AEN: variants seen among roughly 807,000 people sequenced by gnomAD.
The protein encoded by AEN is apoptosis enhancing nuclease.
In AEN, 21 loss-of-function variants were observed where a neutral mutation model predicts 17.7. The observed-to-expected ratio is 1.19, with a 90% confidence interval of 0.84 to 1.71. The LOEUF is 1.71. AEN is among the 40% of genes most tolerant of loss of function. The probability of loss-of-function intolerance (pLI) is 0.00; values close to 1 mark genes in which losing one functional copy is unlikely to be tolerated. For missense variants in AEN, 462 were observed against 435.9 expected, an observed-to-expected ratio of 1.06 and a Z score of -0.53; for synonymous variants, 190 against 173.0, an observed-to-expected ratio of 1.10 and a Z score of -0.77.
At chr15:88,617,533 G>A (rs761796578), upstream of AEN, among the ~76,000 whole-genome samples, 2 of 152,174 alleles carry the variant, frequency 1.3e-5, no homozygotes, top group Non-Finnish European at 1.5e-5. Context: ...AATTACAGGC[G>A]TGAGCCACAG....
Position 88,626,278 on chromosome 15 carries a change from G to A in AEN, c.69G>A (p.Lys23=), listed in dbSNP as rs770518594. ...LCPSLTIPNA[K]DVLRKRHKRR... Reference sequence around the variant, plus strand: ...CTTCCCTCACCATCCCAAATGCCAAGGATGTGCTTCGGAAGAGGCACAAGA... The same window carrying A: ...CTTCCCTCACCATCCCAAATGCCAAAGATGTGCTTCGGAAGAGGCACAAGA... The change falls in exon 2 of 4, where the codon AAG becomes AAA. Residue 23 remains lysine, a synonymous_variant. Transcript: ENST00000332810. 4 of 1,613,608 alleles carry A rather than the reference G, an allele frequency of 2.5e-6. No individual in the cohort carries two copies. The highest frequency in any genetic ancestry group is 3.4e-6 in the Non-Finnish European group (4 of 1,179,952).
intron 2 of AEN, chr15:88,628,221 G>C (rs960946070): frequency 2.6e-5 from 4 of 152,312 alleles, no homozygotes; most frequent in Non-Finnish European, 2.9e-5. Context: ...GGCTGACTTG[G>C]GGGGAGGGGC....
upstream of AEN, among the ~76,000 whole-genome samples, chr15:88,619,388 A>C (rs539510917): frequency 1.3e-5 from 2 of 152,054 alleles, no homozygotes; most frequent in East Asian, 3.9e-4. Flanking sequence ...CTGGATATTG[A>C]CTCTCTTAAA....
At chr15:88,611,529 G>T in the AEN span, among the ~76,000 whole-genome samples, 1 of 151,318 alleles carries the variant, frequency 6.6e-6, no homozygotes, top group East Asian at 1.9e-4. Context: ...CTGGAAGGTT[G>T]AAGCTGGAGT....
At position 88,630,061 on chromosome 15, in the gene AEN, G is replaced by T. The variant is rs372899718; in HGVS notation, c.745G>T (p.Gly249Cys). The T allele has an allele frequency of 5.0e-6, 8 of 1,613,998 alleles. No homozygotes were observed. Among genetic ancestry groups the T allele is most frequent in the Non-Finnish European group, 6.8e-6 (8 of 1,180,010 alleles). Reference protein sequence around the residue: ...LQLLHKKIQVGQHGHSSVEDA... With the variant: ...LQLLHKKIQVCQHGHSSVEDA... ...ATGTGTTGGCTCTCGTCAGTAGGTG[G>T]GCCAGCACGGGCACTCATCAGTAGA... The change falls in exon 4 of 4, where the codon GGC becomes TGC. Residue 249 changes from glycine (G) to cysteine (C), a missense_variant. Physicochemically the swap from Gly to Cys is radical, Grantham distance 159 (BLOSUM62 -3). Transcript: ENST00000332810. The surrounding 1 kb of genome is among the most constrained non-coding windows in gnomAD (Gnocchi z 5.1).
upstream of AEN, among the ~76,000 whole-genome samples, chr15:88,620,954 AG>A (rs1358041929): frequency 6.6e-6 from 1 of 151,912 alleles, no homozygotes; most frequent in African/African-American, 2.4e-5. Flanking sequence ...ACACCCGAGG[AG>A]GTAAGGGCCG....
intron 1 of AEN, 36 bp from the exon 2 acceptor site, chr15:88,626,104 ACACTCT>A (rs2141371459): frequency 7.5e-7 from 1 of 1,326,978 alleles, no homozygotes; most frequent in East Asian, 2.5e-5. Flanking sequence ...GCTGCCTGGC[ACACTCT>A]CACCCAGCCC....
Position 88,631,838 on chromosome 15 carries a change from G to A in AEN, c.*1544G>A, listed in dbSNP as rs144859537. The A allele has an allele frequency of 1.3e-5, 2 of 152,536 alleles. No individual in the cohort carries two copies. Among genetic ancestry groups the A allele is most frequent in the Non-Finnish European group, 2.9e-5 (2 of 68,208 alleles). 9.4% of individuals were successfully genotyped at this position (152,536 alleles called of 1,614,324 possible). Reference sequence around the variant, plus strand: ...AGCAGCAAGGTTCACGGATATCCGTGTGTCTTGTCTGTGGCCACCAGGCAC... The same window carrying A: ...AGCAGCAAGGTTCACGGATATCCGTATGTCTTGTCTGTGGCCACCAGGCAC... On this transcript the variant is annotated 3_prime_UTR_variant, in exon 4 of 4. Transcript: ENST00000332810.
the AEN span, among the ~76,000 whole-genome samples, chr15:88,614,659 T>C: frequency 1.3e-5 from 2 of 152,070 alleles, no homozygotes; most frequent in African/African-American, 4.8e-5. Context: ...AGCTGTCAGG[T>C]TTCCCGGCTC....
upstream of AEN, among the ~76,000 whole-genome samples, chr15:88,616,783 G>A (rs1040963115): frequency 3.9e-5 from 6 of 152,106 alleles, no homozygotes; most frequent in African/African-American, 1.2e-4. Flanking sequence ...CAGTACAGTC[G>A]TGAATAAATT....
At position 88,626,609 on chromosome 15, in the gene AEN, A is replaced by C. The variant is rs775351878; in HGVS notation, c.400A>C (p.Ile134Leu). 6.2e-7 allele frequency: 1 copy of C among 1,614,094 alleles called. No individual in the cohort carries two copies. Among genetic ancestry groups the C allele is most frequent in the Non-Finnish European group, 8.5e-7 (1 of 1,180,018 alleles). ...GGTAAGCGAGCTGGCCCGCTGTTCCATTGTGAGCTACCATGGCAATGTCCT... is the reference window on the plus strand; with the variant it reads ...GGTAAGCGAGCTGGCCCGCTGTTCCCTTGTGAGCTACCATGGCAATGTCCT... ...GRVSELARCS[I>L]VSYHGNVLYD... The change falls in exon 2 of 4, where the codon ATT becomes CTT. Residue 134 changes from isoleucine to leucine, a missense_variant. By Grantham distance (5) the Ile-to-Leu change is conservative (BLOSUM62 2). Coordinates refer to ENST00000332810, the MANE Select transcript of AEN (RefSeq NM_022767.4).
the AEN span, among the ~76,000 whole-genome samples, chr15:88,615,347 G>C: frequency 6.6e-6 from 1 of 152,098 alleles, no homozygotes; most frequent in African/African-American, 2.4e-5. Context: ...CACTTAGCCT[G>C]GGCCTGAGAA....
chr15:88,608,327 G>C, the AEN span: 2 of 284,416 alleles, frequency 7.0e-6, no homozygotes, highest in African/African-American at 2.2e-5. Context: ...GACTTGCAAG[G>C]ATGACATTTT....
the AEN span, chr15:88,611,996 G>A: frequency 2.3e-6 from 1 of 429,234 alleles, no homozygotes; most frequent in East Asian, 8.6e-5. Context: ...GTTCTTTTTT[G>A]TATCTTTTGT....
chr15:88,611,926 G>A, the AEN span: 2 of 501,204 alleles, frequency 4.0e-6, no homozygotes, highest in East Asian at 6.4e-5. Flanking sequence ...AATGGTGCCA[G>A]CCATCGCAGC....
chr15:88,629,123 C>A (rs985637120), intron 2 of AEN, 103 bp from the exon 3 acceptor site: 4 of 1,180,548 alleles, frequency 3.4e-6, no homozygotes, highest in African/African-American at 3.0e-5. Context: ...TGCCTCCCCC[C>A]ACAGGGATCC....
intron 2 of AEN, chr15:88,627,783 C>T (rs777535107): frequency 1.3e-5 from 2 of 152,204 alleles, no homozygotes; most frequent in South Asian, 4.1e-4. Context: ...TTCAGTGTTT[C>T]TCAAGGATGA....
At chr15:88,613,802 G>C in the AEN span, among the ~76,000 whole-genome samples, 2 of 152,112 alleles carry the variant, frequency 1.3e-5, no homozygotes, top group Non-Finnish European at 2.9e-5. Context: ...ACCTTGCTAG[G>C]TTATTACGAT....
At chr15:88,614,131 C>G in the AEN span, among the ~76,000 whole-genome samples, 62 of 152,204 alleles carry the variant, frequency 4.1e-4, no homozygotes, top group Non-Finnish European at 5.4e-4. Flanking sequence ...ATGCTGAAAT[C>G]AGGGCCTGCA....
Sources: allele counts gnomAD v4.1 joint callset (sites outside exome capture counted in the v4.1 genomes callset), GRCh38; gene constraint gnomAD v4.1.1; non-coding constraint Gnocchi (gnomAD v3.1); transcripts MANE v1.5; gene names NCBI Gene and HGNC (gene_info 2026-07-23, HGNC 2026-07-21).